AUTS2: variants seen among roughly 807,000 people sequenced by gnomAD.
AUTS2 encodes the protein autism susceptibility gene 2 protein.
Under a neutral mutation model 112.4 loss-of-function variants are expected in AUTS2, and 17 were observed. The ratio of observed to expected loss-of-function variants is 0.15; its 90% CI spans 0.10 to 0.23. AUTS2 has a LOEUF of 0.23. Among genes scored for constraint, AUTS2 ranks in the 10% least tolerant of loss-of-function variants. The pLI, the probability that AUTS2 is intolerant of heterozygous loss-of-function variation, is 1.00. For missense variants in AUTS2, 1,510 were observed against 1,701.6 expected (o/e 0.89, Z 1.98); for synonymous variants, 751 against 702.7 (o/e 1.07, Z -1.09).
intron 4 of AUTS2, among the ~76,000 whole-genome samples, chr7:70,261,524 G>A (rs557434422): frequency 6.6e-6 from 1 of 152,158 alleles, no homozygotes; most frequent in Admixed American, 6.5e-5. Flanking sequence ...AAATATATTT[G>A]TTGTAATCCC....
In AUTS2 at chr7:70,435,796, C is replaced by T. The variant is rs894577173; in HGVS notation, c.690+15C>T. 7 of 1,613,282 alleles carry T rather than the reference C, an allele frequency of 4.3e-6. No individual in the cohort carries two copies. The Admixed American group carries it at 8.3e-5, about 19-fold the overall frequency. ...AGGAAGAGAAGGTAAGACCCCCCCTCCCCCATTGTGGGCACAGCACATAAC... is the reference window on the plus strand; with the variant it reads ...AGGAAGAGAAGGTAAGACCCCCCCTTCCCCATTGTGGGCACAGCACATAAC... On this transcript the variant is annotated intron_variant, in intron 5 of 18. Coordinates refer to ENST00000342771, the MANE Select transcript of AUTS2 (RefSeq NM_015570.4).
intron 4 of AUTS2, among the ~76,000 whole-genome samples, chr7:70,352,872 C>T (rs148869055): frequency 4.9e-4 from 74 of 152,146 alleles, no homozygotes; most frequent in African/African-American, 1.7e-3. Flanking sequence ...ACATTCTAAG[C>T]GAAGATTTAA....
At chr7:69,674,635 G>A (rs1262712940) in intron 1 of AUTS2, among the ~76,000 whole-genome samples, 1 of 113,858 alleles carries the variant, frequency 8.8e-6, no homozygotes, top group Non-Finnish European at 1.8e-5. Context: ...GGGTGGGTGG[G>A]TAGGGAATAA....
At chr7:69,908,234 CT>C (rs1795224096) in intron 2 of AUTS2, among the ~76,000 whole-genome samples, 1 of 152,170 alleles carries the variant, frequency 6.6e-6, no homozygotes, top group Non-Finnish European at 1.5e-5. Context: ...CCTTGCTGTA[CT>C]TAACCCTCAG....
At chr7:70,347,913 A>G (rs1791572342) in intron 4 of AUTS2, among the ~76,000 whole-genome samples, 1 of 152,112 alleles carries the variant, frequency 6.6e-6, no homozygotes, top group Non-Finnish European at 1.5e-5. Flanking sequence ...GGCTTATGTC[A>G]TCCTCCTGCT....
Position 70,037,832 on chromosome 7 carries a change from T to C in AUTS2, c.523-80300T>C, listed in dbSNP as rs537873642. Among the ~76,000 whole-genome samples, 3 of 152,284 alleles carry C rather than the reference T, an allele frequency of 2.0e-5. No homozygotes were observed. The South Asian group carries it at 6.2e-4, about 32-fold the overall frequency. ...GTTGTTATTATAGGATTAAATAATA[T>C]ATTACATGTAAAATGTTGAGTATAA... On this transcript the variant is annotated intron_variant, in intron 2 of 18. Coordinates refer to ENST00000342771, the MANE Select transcript of AUTS2 (RefSeq NM_015570.4).
intron 6 of AUTS2, among the ~76,000 whole-genome samples, chr7:70,723,680 A>G (rs1440389046): frequency 1.0e-5 from 1 of 99,460 alleles, no homozygotes; most frequent in African/African-American, 3.1e-5. Flanking sequence ...TTGTAGAGAA[A>G]AATACTCGCG....
At chr7:70,534,078 A>T (rs1346131331) in intron 5 of AUTS2, among the ~76,000 whole-genome samples, 1 of 152,190 alleles carries the variant, frequency 6.6e-6, no homozygotes, top group Non-Finnish European at 1.5e-5. Context: ...ACTCAAAGAG[A>T]TGGCCAACTA....
chr7:69,914,485 A>T (rs187648203), intron 2 of AUTS2, among the ~76,000 whole-genome samples: 5 of 151,762 alleles, frequency 3.3e-5, no homozygotes, highest in African/African-American at 1.2e-4. Flanking sequence ...CGCATGCTGC[A>T]CACCAAGCAA....
intron 10 of AUTS2, 26 bp downstream of exon 10, chr7:70,768,094 T>C: frequency 6.3e-7 from 1 of 1,586,520 alleles, no homozygotes; most frequent in South Asian, 1.2e-5. Context: ...ATGCTACACA[T>C]TGAATGTAAC....
chr7:69,820,239 A>G (rs1790930288), intron 1 of AUTS2, among the ~76,000 whole-genome samples: 1 of 152,228 alleles, frequency 6.6e-6, no homozygotes, highest in South Asian at 2.1e-4. Flanking sequence ...CGAATCCCCC[A>G]ACACTTACTC....
At chr7:69,803,047 T>C (rs1226461707) in intron 1 of AUTS2, among the ~76,000 whole-genome samples, 1 of 152,192 alleles carries the variant, frequency 6.6e-6, no homozygotes, top group African/African-American at 2.4e-5. Flanking sequence ...TGACAGTTTG[T>C]GTATGCTTAA....
chr7:69,615,230 G>A (rs1460471897), intron 1 of AUTS2, among the ~76,000 whole-genome samples: 1 of 152,180 alleles, frequency 6.6e-6, no homozygotes, highest in African/African-American at 2.4e-5. Flanking sequence ...AAGATGGGCT[G>A]TCAGGGATGG....
intron 2 of AUTS2, among the ~76,000 whole-genome samples, chr7:69,951,019 A>G (rs1304174316): frequency 6.6e-6 from 1 of 151,798 alleles, no homozygotes; most frequent in African/African-American, 2.4e-5. Context: ...GAATGGGGAG[A>G]GGGAAGAAAG....
At chr7:69,955,904 T>G (rs1310190630) in intron 2 of AUTS2, among the ~76,000 whole-genome samples, 1 of 152,158 alleles carries the variant, frequency 6.6e-6, no homozygotes, top group African/African-American at 2.4e-5. Context: ...CCTACTATTA[T>G]CATTTGACAA....
intron 5 of AUTS2, chr7:70,437,335 G>C (rs1431404178): frequency 6.6e-6 from 1 of 152,284 alleles, no homozygotes; most frequent in African/African-American, 2.4e-5. Context: ...AGCAGTAATG[G>C]TTAGTGTTCA....
At chr7:70,705,254 C>T (rs1809673598) in intron 6 of AUTS2, among the ~76,000 whole-genome samples, 1 of 152,212 alleles carries the variant, frequency 6.6e-6, no homozygotes, top group Admixed American at 6.5e-5. Flanking sequence ...AAAGCGCAGT[C>T]TCAGGAAGCA....
At chr7:70,006,336 C>G (rs550901369) in intron 2 of AUTS2, among the ~76,000 whole-genome samples, 1 of 152,072 alleles carries the variant, frequency 6.6e-6, no homozygotes, top group South Asian at 2.1e-4. Context: ...GGGGGAGAAG[C>G]CTGTATTTGA....
At chr7:69,642,789 G>T (rs1011636322) in intron 1 of AUTS2, among the ~76,000 whole-genome samples, 7 of 152,160 alleles carry the variant, frequency 4.6e-5, no homozygotes, top group African/African-American at 1.4e-4. Flanking sequence ...TGAGGGAAAA[G>T]GGGTATTTTA....
Sources: allele counts gnomAD v4.1 joint callset (sites outside exome capture counted in the v4.1 genomes callset), GRCh38; gene constraint gnomAD v4.1.1; transcripts MANE v1.5; gene names NCBI Gene and HGNC (gene_info 2026-07-23, HGNC 2026-07-21).